Variants in BFSP2 observed in about 807,000 individuals in gnomAD.
The protein encoded by BFSP2 is beaded filament structural protein 2, also known as phakinin.
A neutral mutation model predicts 44.9 loss-of-function variants in BFSP2; 38 were observed. The ratio of observed to expected loss-of-function variants is 0.85; its 90% CI spans 0.65 to 1.11. The LOEUF is 1.11. BFSP2 is among the 50% of genes least tolerant of loss of function. The pLI is 0.00. For missense variants in BFSP2, 525 were observed against 533.0 expected (o/e 0.99, Z 0.15); for synonymous variants, 197 against 209.9 (o/e 0.94, Z 0.53).
chr3:133,441,279 G>A (rs1179168744), intron 1 of BFSP2, among the ~76,000 whole-genome samples: 7 of 151,970 alleles, frequency 4.6e-5, no homozygotes, highest in East Asian at 3.9e-4. Context: ...CAGGTGATCC[G>A]TCTGCCTGGG....
intron 1 of BFSP2, 24 bp from the exon 2 acceptor site, chr3:133,447,293 C>T: frequency 6.2e-7 from 1 of 1,613,384 alleles, no homozygotes; most frequent in Non-Finnish European, 8.5e-7. Flanking sequence ...ACCTTGTCTC[C>T]TTTGGTGTGT....
chr3:133,452,250 C>A (rs537682001), intron 4 of BFSP2, among the ~76,000 whole-genome samples: 72 of 152,322 alleles, frequency 4.7e-4, no homozygotes, highest in African/African-American at 1.7e-3. Flanking sequence ...CAAGTATCAA[C>A]AAGAACCTTC....
intron 1 of BFSP2, among the ~76,000 whole-genome samples, chr3:133,438,065 T>C (rs555040521): frequency 8.5e-5 from 13 of 152,318 alleles, no homozygotes; most frequent in Middle Eastern, 6.8e-3. Flanking sequence ...CTATAGTTGA[T>C]ACAAGAAATA....
intron 1 of BFSP2, among the ~76,000 whole-genome samples, chr3:133,426,461 T>C (rs1380628638): frequency 6.6e-6 from 1 of 152,242 alleles, no homozygotes; most frequent in Non-Finnish European, 1.5e-5. Context: ...AGCTCCCTTA[T>C]CCCTTTTCTA....
At chr3:133,465,098 T>G (rs890062788) in intron 4 of BFSP2, among the ~76,000 whole-genome samples, 3 of 150,812 alleles carry the variant, frequency 2.0e-5, no homozygotes, top group Non-Finnish European at 4.4e-5. Context: ...CTCCGCCTCC[T>G]GGGATCAAGA....
intron 2 of BFSP2, among the ~76,000 whole-genome samples, chr3:133,447,603 A>G (rs2073915587): frequency 6.6e-6 from 1 of 152,122 alleles, no homozygotes; most frequent in Non-Finnish European, 1.5e-5. Context: ...GCCCACTGTC[A>G]GTTGGTTTAG....
In BFSP2 at chr3:133,403,364, C is replaced by T. The variant is rs73863528; in HGVS notation, c.489+2792C>T. Among the ~76,000 whole-genome samples, 11 of 152,240 alleles carry T rather than the reference C, an allele frequency of 7.2e-5. No homozygotes were observed. The South Asian group carries it at 1.5e-3, about 20-fold the overall frequency. On this transcript the variant is annotated intron_variant, in intron 1 of 6. Transcript: ENST00000302334. ...TCCACCTGCAGCTGCCTCTTCCCCCCCTTGTCCACAGAACTCCTCCTGGTC... is the reference window on the plus strand; with the variant it reads ...TCCACCTGCAGCTGCCTCTTCCCCCTCTTGTCCACAGAACTCCTCCTGGTC...
intron 1 of BFSP2, among the ~76,000 whole-genome samples, chr3:133,422,822 CA>C (rs1241025834): frequency 7.3e-5 from 4 of 55,112 alleles, no homozygotes; most frequent in Admixed American, 5.6e-4. Context: ...ACTGTCCGGA[CA>C]GGGGGGTTGC....
intron 1 of BFSP2, among the ~76,000 whole-genome samples, chr3:133,424,216 T>TGTGTGTGTGTGTGTGTG (rs1559963358): frequency 6.1e-5 from 3 of 49,412 alleles, no homozygotes; most frequent in African/African-American, 5.0e-4. Flanking sequence ...CAGCTAATTT[T>TGTGTGTGTGTGTGTGTG]TTTTTTTTTT....
At chr3:133,467,285 G>T (rs1279868115) in intron 5 of BFSP2, among the ~76,000 whole-genome samples, 2 of 152,196 alleles carry the variant, frequency 1.3e-5, no homozygotes, top group Non-Finnish European at 2.9e-5. Flanking sequence ...GGCCCAGAAG[G>T]TTAGGCCCTG....
rs1261890605 is a variant in BFSP2 at position 133,475,081 on chromosome 3, G to A, written c.*109G>A. 6.7e-7 allele frequency: 1 copy of A among 1,491,354 alleles called. No homozygotes were observed. The highest frequency in any genetic ancestry group is 9.3e-7 in the Non-Finnish European group (1 of 1,069,602). The allele number at this position is 1,491,354 out of a possible 1,614,324, so 92.4% of individuals were successfully genotyped here. ...GCTCCAGTCCCTGCTGGATTCCCTGGTTAATTCAGCTTGAGCTGAAAAGCT... is the reference window on the plus strand; with the variant it reads ...GCTCCAGTCCCTGCTGGATTCCCTGATTAATTCAGCTTGAGCTGAAAAGCT... On this transcript the variant is annotated 3_prime_UTR_variant, in exon 7 of 7. Coordinates refer to ENST00000302334, the MANE Select transcript of BFSP2 (RefSeq NM_003571.4).
At chr3:133,464,853 G>T (rs950058323) in intron 4 of BFSP2, among the ~76,000 whole-genome samples, 3 of 152,152 alleles carry the variant, frequency 2.0e-5, no homozygotes, top group African/African-American at 7.2e-5. Context: ...ACAAGCTGTT[G>T]GCTAACCAGT....
intron 1 of BFSP2, among the ~76,000 whole-genome samples, chr3:133,413,892 T>C (rs986842663): frequency 6.6e-6 from 1 of 151,878 alleles, no homozygotes; most frequent in Admixed American, 6.6e-5. Context: ...GTGTGGAAGT[T>C]AGAAAGCCCC....
At chr3:133,458,713 A>G (rs980040514) in intron 4 of BFSP2, among the ~76,000 whole-genome samples, 8 of 151,932 alleles carry the variant, frequency 5.3e-5, no homozygotes, top group African/African-American at 1.7e-4. Flanking sequence ...CAAACAACAA[A>G]CAAAAAAACA....
intron 1 of BFSP2, among the ~76,000 whole-genome samples, chr3:133,426,476 T>C (rs2073655448): frequency 6.6e-6 from 1 of 152,232 alleles, no homozygotes; most frequent in African/African-American, 2.4e-5. Flanking sequence ...TTTCTACAAA[T>C]AGACTTTTAG....
At chr3:133,452,064 C>T (rs1158542764) in intron 4 of BFSP2, among the ~76,000 whole-genome samples, 2 of 152,226 alleles carry the variant, frequency 1.3e-5, no homozygotes, top group Non-Finnish European at 2.9e-5. Flanking sequence ...TTTCAAAAAT[C>T]GCCATCCCAG....
At chr3:133,417,941 CTCTCCCCTCTACT>C (rs2107891515) in intron 1 of BFSP2, among the ~76,000 whole-genome samples, 1 of 139,606 alleles carries the variant, frequency 7.2e-6, no homozygotes, top group South Asian at 2.6e-4. Flanking sequence ...CTCACCCGTC[CTCTCCCCTCTACT>C]CACCTCTGTC....
At chr3:133,411,942 A>G (rs993970177) in intron 1 of BFSP2, among the ~76,000 whole-genome samples, 2 of 152,258 alleles carry the variant, frequency 1.3e-5, no homozygotes, top group South Asian at 2.1e-4. Flanking sequence ...TATCCAAACA[A>G]TTAAAAAATA....
chr3:133,418,615 G>A (rs1039008498), intron 1 of BFSP2, among the ~76,000 whole-genome samples: 9 of 152,134 alleles, frequency 5.9e-5, no homozygotes, highest in East Asian at 1.9e-4. Context: ...GCCACCCCCC[G>A]GAATGGGCAC....
Sources: gnomAD v4.1 joint callset for allele counts (sites outside exome capture counted in the v4.1 genomes callset) on GRCh38, gnomAD v4.1.1 for gene constraint, MANE v1.5 for transcripts, NCBI Gene and HGNC (gene_info 2026-07-23, HGNC 2026-07-21) for gene names.